Variants in SYN2 observed in about 807,000 individuals in gnomAD.
SYN2 encodes the protein synapsin II.
A neutral mutation model predicts 50.9 loss-of-function variants in SYN2; 19 were observed. The observed-to-expected ratio is 0.37, with a 90% CI of 0.26 to 0.55. SYN2 has a LOEUF of 0.55. Among genes scored for constraint, SYN2 ranks in the 20% least tolerant of loss-of-function variants. SYN2 has a pLI of 0.81. For missense variants in SYN2, 587 were observed against 576.4 expected (o/e 1.02, Z -0.19); for synonymous variants, 255 against 224.9 (o/e 1.13, Z -1.20).
At chr3:12,092,829 G>A (rs1028356971) in intron 1 of SYN2, among the ~76,000 whole-genome samples, 1 of 152,200 alleles carries the variant, frequency 6.6e-6, no homozygotes, top group African/African-American at 2.4e-5. Context: ...TGTTGAGCCA[G>A]AGTTTGAGGT....
chr3:12,090,283 T>C (rs1695797703), intron 1 of SYN2, among the ~76,000 whole-genome samples: 1 of 152,212 alleles, frequency 6.6e-6, no homozygotes, highest in Admixed American at 6.5e-5. Context: ...ATTTTATTTA[T>C]AAATGACTAT....
chr3:12,078,589 G>A (rs562630731), intron 1 of SYN2, among the ~76,000 whole-genome samples: 2 of 152,152 alleles, frequency 1.3e-5, no homozygotes, highest in African/African-American at 4.8e-5. Flanking sequence ...GTTTTTGTGA[G>A]CTTTGTCGAA....
chr3:12,120,232 G>T (rs544155924), intron 1 of SYN2, among the ~76,000 whole-genome samples: 1 of 152,294 alleles, frequency 6.6e-6, no homozygotes, highest in South Asian at 2.1e-4. Context: ...GCTAGTGACA[G>T]GATCTGGACT....
chr3:12,162,272 T>C (rs149438762), intron 7 of SYN2, 118 bp downstream of exon 7: 9 of 1,332,042 alleles, frequency 6.8e-6, no homozygotes, highest in South Asian at 6.2e-5. Flanking sequence ...TTTTTTTACC[T>C]GGGTTCCTTT....
chr3:12,153,326 C>G, intron 5 of SYN2: 1 of 642,490 alleles, frequency 1.6e-6, no homozygotes, highest in African/African-American at 1.8e-5. Context: ...GAGGCAGGGG[C>G]AACAGGCTGA....
intron 12 of SYN2, among the ~76,000 whole-genome samples, chr3:12,188,166 T>G (rs577653135): frequency 5.9e-5 from 9 of 152,232 alleles, no homozygotes; most frequent in Non-Finnish European, 1.3e-4. Context: ...GAGGTCAGTT[T>G]CTGGTGTGGG....
At chr3:12,164,982 TTC>T (rs1461907648) in intron 7 of SYN2, among the ~76,000 whole-genome samples, 5 of 137,732 alleles carry the variant, frequency 3.6e-5, no homozygotes, top group African/African-American at 1.3e-4. Flanking sequence ...TTTTTTTCTT[TTC>T]TTTTTTTTTT....
intron 1 of SYN2, among the ~76,000 whole-genome samples, chr3:12,118,302 GCCTATAATC>G (rs1397699499): frequency 6.6e-6 from 1 of 152,204 alleles, no homozygotes; most frequent in Non-Finnish European, 1.5e-5. Flanking sequence ...AGTGACTCAT[GCCTATAATC>G]CCAGCACTTC....
chr3:12,005,401 G>T (rs1003723831), intron 1 of SYN2, among the ~76,000 whole-genome samples: 2 of 151,992 alleles, frequency 1.3e-5, no homozygotes, highest in African/African-American at 4.8e-5. Flanking sequence ...GGTGGTGGTG[G>T]GTTTTTTTTA....
At chr3:12,063,700 C>A (rs1385537888) in intron 1 of SYN2, among the ~76,000 whole-genome samples, 1 of 151,832 alleles carries the variant, frequency 6.6e-6, no homozygotes, top group Non-Finnish European at 1.5e-5. Context: ...GGGGCTGTGT[C>A]AAAAGAGCCT....
At chr3:12,012,783 T>C (rs1013070924) in intron 1 of SYN2, among the ~76,000 whole-genome samples, 3 of 152,194 alleles carry the variant, frequency 2.0e-5, no homozygotes, top group Non-Finnish European at 4.4e-5. Context: ...GCTTAAGATT[T>C]CATCTCTCTT....
chr3:12,168,818 G>A (rs75699361), intron 9 of SYN2, among the ~76,000 whole-genome samples: 7,062 of 150,116 alleles, frequency 0.047, 579 homozygotes, highest in African/African-American at 0.16. Flanking sequence ...AGACCACAGG[G>A]TGAATCAGTG....
At chr3:12,091,145 A>G (rs1286355710) in intron 1 of SYN2, among the ~76,000 whole-genome samples, 1 of 152,136 alleles carries the variant, frequency 6.6e-6, no homozygotes, top group African/African-American at 2.4e-5. Flanking sequence ...GGGATTGTAG[A>G]GAAATTTAAG....
intron 1 of SYN2, among the ~76,000 whole-genome samples, chr3:12,006,283 G>C (rs1693799582): frequency 1.3e-5 from 2 of 152,186 alleles, no homozygotes; most frequent in Admixed American, 1.3e-4. Context: ...GCCTTTTCAA[G>C]AGAGTAGAGT....
intron 1 of SYN2, among the ~76,000 whole-genome samples, chr3:12,119,899 C>G (rs745492635): frequency 2.0e-5 from 3 of 152,168 alleles, no homozygotes; most frequent in Non-Finnish European, 4.4e-5. Context: ...AAGGTAGAAG[C>G]TTTCAATAGC....
intron 10 of SYN2, among the ~76,000 whole-genome samples, chr3:12,171,799 C>T (rs1227364264): frequency 6.6e-6 from 1 of 152,138 alleles, no homozygotes; most frequent in Admixed American, 6.5e-5. Flanking sequence ...CCATATTATA[C>T]AAAAATGGTA....
At chr3:12,160,253 G>A (rs2125235039) in intron 5 of SYN2, among the ~76,000 whole-genome samples, 1 of 152,178 alleles carries the variant, frequency 6.6e-6, no homozygotes, top group Middle Eastern at 3.4e-3. Flanking sequence ...TGTCACTGTA[G>A]CTTTGTGACT....
chr3:12,043,162 A>T (rs550112888), intron 1 of SYN2, among the ~76,000 whole-genome samples: 2 of 152,014 alleles, frequency 1.3e-5, no homozygotes, highest in African/African-American at 2.4e-5. Flanking sequence ...AGGTGGGACT[A>T]CTAGTGAGCA....
rs180911087 is a variant in SYN2, at chr3:12,159,983, A to G, written c.775-1563A>G. On this transcript the variant is annotated intron_variant, in intron 5 of 12. Coordinates refer to ENST00000621198, the MANE Select transcript of SYN2 (RefSeq NM_133625.6). ...GCTTGAACCCAGGAGGCGGAGGTTGAAGTGAGCTGAGACTGTGCCACTGCA... is the reference window on the plus strand; with the variant it reads ...GCTTGAACCCAGGAGGCGGAGGTTGGAGTGAGCTGAGACTGTGCCACTGCA... 4.1e-3 allele frequency among the ~76,000 whole-genome samples: 582 copies of G among 142,854 alleles called. 4 individuals carry two copies. Among genetic ancestry groups the G allele is most frequent in the Middle Eastern group, 0.021 (6 of 286 alleles). The allele number at this position is 142,854 out of a possible 152,430, so 93.7% of individuals were successfully genotyped here. A position where few individuals can be genotyped will look rare whatever the true frequency, so the allele number is the denominator to read the frequency against.
Sources: allele counts gnomAD v4.1 joint callset (sites outside exome capture counted in the v4.1 genomes callset), GRCh38; gene constraint gnomAD v4.1.1; transcripts MANE v1.5; gene names NCBI Gene and HGNC (gene_info 2026-07-23, HGNC 2026-07-21).